ESYT2: variants seen among roughly 807,000 people sequenced by gnomAD.
The protein encoded by ESYT2 is extended synaptotagmin 2, also known as extended synaptotagmin-2.
In ESYT2, 54 loss-of-function variants were observed where a neutral mutation model predicts 107.2. The observed-to-expected ratio is 0.50, with a 90% confidence interval of 0.40 to 0.63. ESYT2 has a LOEUF of 0.63. ESYT2 is among the 30% of genes least tolerant of loss of function. The pLI is 0.00. For missense variants in ESYT2, 1,020 were observed against 1,094.5 expected, an observed-to-expected ratio of 0.93 and a Z score of 0.96; for synonymous variants, 491 against 434.1, an observed-to-expected ratio of 1.13 and a Z score of -1.63.
At chr7:158,795,578 C>T (rs530271349) in intron 3 of ESYT2, among the ~76,000 whole-genome samples, 1 of 116,236 alleles carries the variant, frequency 8.6e-6, no homozygotes, top group African/African-American at 3.7e-5. Flanking sequence ...AATGCAGCCC[C>T]TGCGGCCACG....
chr7:158,809,446 A>C (rs1489829752), intron 1 of ESYT2, among the ~76,000 whole-genome samples: 2 of 124,032 alleles, frequency 1.6e-5, no homozygotes, highest in East Asian at 5.4e-4. Flanking sequence ...ATTGCACTCC[A>C]GCCTGGCTAC....
chr7:158,798,303 A>C (rs891260681), intron 2 of ESYT2, among the ~76,000 whole-genome samples: 1 of 152,228 alleles, frequency 6.6e-6, no homozygotes, highest in African/African-American at 2.4e-5. Context: ...CTGGTTAAAT[A>C]TGTCAGCACA....
At chr7:158,765,619 CCA>C (rs1838130070) in intron 8 of ESYT2, among the ~76,000 whole-genome samples, 1 of 151,902 alleles carries the variant, frequency 6.6e-6, no homozygotes, top group African/African-American at 2.4e-5. Flanking sequence ...GTCCGTAGTC[CCA>C]GTTACTCAGA....
chr7:158,762,301 C>G (rs182849386), intron 10 of ESYT2, among the ~76,000 whole-genome samples: 88 of 152,234 alleles, frequency 5.8e-4, no homozygotes, highest in Admixed American at 2.3e-3. Context: ...TAAGCTCAGC[C>G]CCCGACAATC....
At chr7:158,734,552 G>T in intron 21 of ESYT2, 81 bp from the exon 22 acceptor site, 1 of 1,283,804 alleles carries the variant, frequency 7.8e-7, no homozygotes, top group Non-Finnish European at 1.1e-6. Flanking sequence ...ACTTTGGGAG[G>T]CCAAGATGGG....
chr7:158,782,105 A>C lies in ESYT2; in HGVS notation c.747+5899T>G, dbSNP rs1291298144. On this transcript the variant is annotated intron_variant, in intron 6 of 22. Transcript: ENST00000275418. ...AGAACAAATGTGAGTGAACGACAACAAAGTGTGAGGTGTGAGTGTAAGAAC... is the reference window on the plus strand; with the variant it reads ...AGAACAAATGTGAGTGAACGACAACCAAGTGTGAGGTGTGAGTGTAAGAAC... 2.7e-5 allele frequency among the ~76,000 whole-genome samples: 4 copies of C among 150,298 alleles called. No individual in the cohort carries two copies. In the East Asian group the frequency reaches 7.9e-4, roughly 30 times the overall value.
chr7:158,800,420 C>CA (rs1839602212), intron 1 of ESYT2, among the ~76,000 whole-genome samples: 1 of 152,070 alleles, frequency 6.6e-6, no homozygotes, highest in South Asian at 2.1e-4. Context: ...GACAGGGTCT[C>CA]ACTCTGTCAC....
intron 1 of ESYT2, among the ~76,000 whole-genome samples, chr7:158,802,418 C>T (rs1042202345): frequency 6.6e-6 from 1 of 152,136 alleles, no homozygotes; most frequent in African/African-American, 2.4e-5. Flanking sequence ...GTAGCTGGGA[C>T]TACAGGTGCC....
chr7:158,746,932 G>A (rs1587381860), intron 16 of ESYT2, among the ~76,000 whole-genome samples: 2 of 152,272 alleles, frequency 1.3e-5, no homozygotes. Context: ...TCTGCCTGTA[G>A]TCCCAGCTAC....
chr7:158,825,389 A>G (rs988367401), intron 1 of ESYT2, among the ~76,000 whole-genome samples: 2 of 152,232 alleles, frequency 1.3e-5, no homozygotes, highest in African/African-American at 4.8e-5. Context: ...CAGGGTAGAC[A>G]CTTAAACAAC....
intron 1 of ESYT2, among the ~76,000 whole-genome samples, chr7:158,819,201 A>C (rs1472908025): frequency 6.6e-6 from 1 of 152,262 alleles, no homozygotes; most frequent in Non-Finnish European, 1.5e-5. Context: ...TCTGTCTTTT[A>C]ACAACATACC....
At chr7:158,747,372 AC>A (rs370320359) in intron 16 of ESYT2, among the ~76,000 whole-genome samples, 1 of 151,956 alleles carries the variant, frequency 6.6e-6, no homozygotes, top group African/African-American at 2.4e-5. Context: ...TAAAAAAAAA[AC>A]CCCAAACGTC....
intron 1 of ESYT2, among the ~76,000 whole-genome samples, chr7:158,826,594 G>A (rs189881196): frequency 3.1e-4 from 46 of 150,688 alleles, no homozygotes; most frequent in African/African-American, 1.0e-3. Context: ...AGGCTGAGGC[G>A]GGTGGATCAC....
Position 158,829,185 on chromosome 7 carries a change from G to A in ESYT2, c.234C>T (p.Gly78=), listed in dbSNP as rs776295652. ...ALLAWCRRSR[G]LKALRLCRAL... is the part of the protein sequence containing the mutation. The stretch of plus-strand genomic sequence containing the variant: ...CGCGGCACAGGCGCAGGGCCTTGAG[G>A]CCGCGGCTGCGGCGACACCAGGCGA... Residue 78 remains glycine, a synonymous_variant, in exon 1 of 23, where the codon GGC becomes GGT. Transcript: ENST00000275418. 3 of 1,537,176 alleles carry A rather than the reference G, an allele frequency of 2.0e-6. No individual in the cohort carries two copies. The highest frequency in any genetic ancestry group is 2.4e-5 in the South Asian group (2 of 84,744).
intron 18 of ESYT2, among the ~76,000 whole-genome samples, chr7:158,740,405 CCA>C (rs1837149461): frequency 1.3e-5 from 2 of 152,224 alleles, no homozygotes; most frequent in South Asian, 2.1e-4. Flanking sequence ...GAGGTTAAAA[CCA>C]CACAGTGTCC....
At chr7:158,801,098 G>A (rs1055874760) in intron 1 of ESYT2, among the ~76,000 whole-genome samples, 1 of 151,554 alleles carries the variant, frequency 6.6e-6, no homozygotes, top group East Asian at 1.9e-4. Context: ...GGGCAGGAGC[G>A]TCGGAGGCGG....
intron 6 of ESYT2, among the ~76,000 whole-genome samples, chr7:158,786,337 T>A (rs1464093800): frequency 1.3e-5 from 2 of 152,198 alleles, no homozygotes; most frequent in Non-Finnish European, 2.9e-5. Context: ...TAAAAATACT[T>A]AGCAATTTGT....
intron 18 of ESYT2, among the ~76,000 whole-genome samples, chr7:158,739,921 C>G (rs1238834343): frequency 7.1e-6 from 1 of 140,650 alleles, no homozygotes; most frequent in Non-Finnish European, 1.5e-5. Flanking sequence ...TGGGGCCATG[C>G]CAGGCAAGGG....
intron 1 of ESYT2, among the ~76,000 whole-genome samples, chr7:158,814,700 C>G (rs1015773848): frequency 1.3e-5 from 2 of 152,194 alleles, no homozygotes; most frequent in Non-Finnish European, 2.9e-5. Flanking sequence ...AGTAACCTGC[C>G]ACCACCCTGG....
Sources: gnomAD v4.1 joint callset for allele counts (sites outside exome capture counted in the v4.1 genomes callset) on GRCh38, gnomAD v4.1.1 for gene constraint, MANE v1.5 for transcripts, NCBI Gene and HGNC (gene_info 2026-07-23, HGNC 2026-07-21) for gene names.